ACOXL: variants seen among roughly 807,000 people sequenced by gnomAD.
The protein encoded by ACOXL is acyl-CoA oxidase like.
In ACOXL, 70 loss-of-function variants were observed where a neutral mutation model predicts 71.9. That is an observed-to-expected ratio of 0.97 (90% CI 0.80 to 1.19). The LOEUF is 1.19. ACOXL is among the 50% of genes most tolerant of loss of function. ACOXL has a pLI of 0.00. For missense variants in ACOXL, 703 were observed against 736.3 expected, an observed-to-expected ratio of 0.95 and a Z score of 0.52; for synonymous variants, 253 against 281.6, an observed-to-expected ratio of 0.90 and a Z score of 1.02.
intron 14 of ACOXL, among the ~76,000 whole-genome samples, chr2:111,023,541 G>T (rs2064876391): frequency 1.3e-5 from 2 of 152,182 alleles, no homozygotes; most frequent in Admixed American, 1.3e-4. Context: ...GGCCATCTGT[G>T]GGTCCGGATG....
intron 11 of ACOXL, among the ~76,000 whole-genome samples, chr2:110,928,601 T>A (rs10168046): frequency 0.27 from 41,597 of 152,218 alleles, 6,593 homozygotes; most frequent in Non-Finnish European, 0.35. Flanking sequence ...ATAAATAGAA[T>A]CTTGCCATCT....
chr2:110,942,766 C>G (rs1244124240), intron 12 of ACOXL, among the ~76,000 whole-genome samples: 1 of 151,250 alleles, frequency 6.6e-6, no homozygotes, highest in Non-Finnish European at 1.5e-5. Flanking sequence ...TGGTGTAATC[C>G]TGGCTACTTG....
intron 15 of ACOXL, among the ~76,000 whole-genome samples, chr2:111,046,563 G>A (rs1454384330): frequency 2.0e-5 from 3 of 152,150 alleles, no homozygotes; most frequent in Non-Finnish European, 4.4e-5. Flanking sequence ...TGGCAGGAAG[G>A]AAAAGTGCCG....
intron 16 of ACOXL, among the ~76,000 whole-genome samples, chr2:111,066,714 C>T (rs1231388420): frequency 1.3e-5 from 2 of 151,920 alleles, no homozygotes; most frequent in African/African-American, 4.8e-5. Context: ...TAAATAATAA[C>T]AATAACAACA....
At chr2:110,827,824 C>G (rs1202962535) in intron 9 of ACOXL, among the ~76,000 whole-genome samples, 1 of 152,160 alleles carries the variant, frequency 6.6e-6, no homozygotes, top group Non-Finnish European at 1.5e-5. Context: ...TATCACCTCC[C>G]TGCACAAATG....
At chr2:110,741,583 T>C (rs984128481) in intron 1 of ACOXL, among the ~76,000 whole-genome samples, 1 of 152,186 alleles carries the variant, frequency 6.6e-6, no homozygotes, top group African/African-American at 2.4e-5. Context: ...CAGAGTTTTA[T>C]ACATTTAAAT....
chr2:110,991,555 A>T (rs2063174557), intron 13 of ACOXL, among the ~76,000 whole-genome samples: 1 of 149,144 alleles, frequency 6.7e-6, no homozygotes, highest in South Asian at 2.1e-4. Flanking sequence ...CTAGTTTCTA[A>T]GGAAACTATT....
intron 1 of ACOXL, among the ~76,000 whole-genome samples, chr2:110,751,928 A>T (rs1243719768): frequency 6.6e-6 from 1 of 152,242 alleles, no homozygotes; most frequent in Non-Finnish European, 1.5e-5. Context: ...GATACTAAAG[A>T]TGACTCTTAA....
Position 110,918,091 on chromosome 2 carries a change from G to T in ACOXL, c.905+9186G>T, listed in dbSNP as rs4438527. Among the ~76,000 whole-genome samples the T allele has an allele frequency of 1.4e-3, 211 of 152,240 alleles. 1 individual carries two copies. The highest frequency in any genetic ancestry group is 5.0e-3 in the African/African-American group (206 of 41,554). Reference sequence around the variant, plus strand: ...TTCATGTGGAACCAAAAAAGAGTCCGCATAGCCAAGACAATCCTAAGCGAA... The same window carrying T: ...TTCATGTGGAACCAAAAAAGAGTCCTCATAGCCAAGACAATCCTAAGCGAA... On this transcript the variant is annotated intron_variant, in intron 11 of 17. Coordinates refer to ENST00000439055, the MANE Select transcript of ACOXL (RefSeq NM_001142807.4).
At chr2:110,912,455 A>G (rs906871227) in intron 11 of ACOXL, among the ~76,000 whole-genome samples, 19 of 152,144 alleles carry the variant, frequency 1.2e-4, no homozygotes, top group African/African-American at 4.3e-4. Flanking sequence ...AGACAGAAAC[A>G]CATCCCTAAA....
At chr2:110,854,123 A>ATG (rs1246427680) in intron 10 of ACOXL, among the ~76,000 whole-genome samples, 15 of 151,772 alleles carry the variant, frequency 9.9e-5, no homozygotes, top group Admixed American at 1.3e-4. Context: ...GTGCGTGTGC[A>ATG]TGTGTGTGTG....
chr2:110,980,528 T>A (rs573931238), intron 12 of ACOXL, among the ~76,000 whole-genome samples: 37 of 152,168 alleles, frequency 2.4e-4, no homozygotes, highest in Non-Finnish European at 5.3e-4. Flanking sequence ...ACTTCCTAAC[T>A]TAGGAGCACA....
At chr2:110,761,320 G>T (rs1680375800) in intron 1 of ACOXL, among the ~76,000 whole-genome samples, 1 of 152,038 alleles carries the variant, frequency 6.6e-6, no homozygotes, top group African/African-American at 2.4e-5. Flanking sequence ...CCTTTACTAG[G>T]CTTGCATACC....
At chr2:110,967,785 G>C (rs1240154865) in intron 12 of ACOXL, 1 of 681,142 alleles carries the variant, frequency 1.5e-6, no homozygotes, top group African/African-American at 1.8e-5. Flanking sequence ...GGCACTGCTG[G>C]GCCTGCAGGT....
intron 15 of ACOXL, among the ~76,000 whole-genome samples, chr2:111,039,465 T>C (rs1405002939): frequency 6.6e-6 from 1 of 151,992 alleles, no homozygotes; most frequent in Non-Finnish European, 1.5e-5. Flanking sequence ...CAAGTTTTGA[T>C]ATCTACTTAA....
At chr2:111,034,294 C>G (rs1394045197) in intron 15 of ACOXL, among the ~76,000 whole-genome samples, 1 of 152,206 alleles carries the variant, frequency 6.6e-6, no homozygotes, top group African/African-American at 2.4e-5. Flanking sequence ...TTTATTACTG[C>G]TAATCACTAC....
At chr2:110,769,428 TG>T (rs1045391717) in intron 2 of ACOXL, among the ~76,000 whole-genome samples, 3 of 151,744 alleles carry the variant, frequency 2.0e-5, no homozygotes, top group African/African-American at 4.8e-5. Context: ...GGGCTGATAC[TG>T]GGTAGAGCCC....
chr2:110,995,788 C>A, intron 13 of ACOXL, 105 bp from the exon 14 acceptor site: 2 of 778,874 alleles, frequency 2.6e-6, no homozygotes, highest in South Asian at 1.6e-5. Flanking sequence ...CACTATTTTT[C>A]TACAGAAAAA....
At chr2:110,831,842 CACAA>C (rs1689868022) in intron 9 of ACOXL, among the ~76,000 whole-genome samples, 1 of 152,144 alleles carries the variant, frequency 6.6e-6, no homozygotes, top group African/African-American at 2.4e-5. Flanking sequence ...TGGCCTTTTC[CACAA>C]ACAGTGCTGG....
Sources: gnomAD v4.1 joint callset for allele counts (sites outside exome capture counted in the v4.1 genomes callset) on GRCh38, gnomAD v4.1.1 for gene constraint, MANE v1.5 for transcripts, NCBI Gene and HGNC (gene_info 2026-07-23, HGNC 2026-07-21) for gene names.